GPD2: variants seen among roughly 807,000 people sequenced by gnomAD.
The protein encoded by GPD2 is glycerol-3-phosphate dehydrogenase 2.
In GPD2, 54 loss-of-function variants were observed where a neutral mutation model predicts 82.4. The observed-to-expected ratio is 0.66, with a 90% CI of 0.53 to 0.82. GPD2 has a LOEUF of 0.82. Ranked by LOEUF, GPD2 falls within the 40% of genes least tolerant of loss-of-function variation. GPD2 has a pLI of 0.00. For missense variants in GPD2, 748 were observed against 896.2 expected, an observed-to-expected ratio of 0.83 and a Z score of 2.11; for synonymous variants, 288 against 306.1, an observed-to-expected ratio of 0.94 and a Z score of 0.62.
At chr2:156,560,189 C>T (rs1687116354) in intron 9 of GPD2, among the ~76,000 whole-genome samples, 1 of 152,162 alleles carries the variant, frequency 6.6e-6, no homozygotes, top group South Asian at 2.1e-4. Context: ...CAGAAGGCTG[C>T]CGTGCCCATA....
intron 5 of GPD2, among the ~76,000 whole-genome samples, 183 bp from the exon 6 acceptor site, chr2:156,513,150 T>A (rs1685063733): frequency 6.6e-6 from 1 of 152,176 alleles, no homozygotes; most frequent in Non-Finnish European, 1.5e-5. Flanking sequence ...TCTCATTGAT[T>A]TATTTTACTT....
At chr2:156,463,921 A>G (rs1250450185) in intron 1 of GPD2, among the ~76,000 whole-genome samples, 1 of 152,198 alleles carries the variant, frequency 6.6e-6, no homozygotes, top group Non-Finnish European at 1.5e-5. Context: ...ATGCAGAATA[A>G]CTAGACTATA....
chr2:156,530,975 C>T (rs367819668), intron 6 of GPD2, among the ~76,000 whole-genome samples: 141 of 152,250 alleles, frequency 9.3e-4, no homozygotes, highest in Non-Finnish European at 1.2e-3. Context: ...TGTGGGCATG[C>T]ACCACGGTGC....
chr2:156,446,402 A>G (rs965949442), intron 1 of GPD2, among the ~76,000 whole-genome samples: 1 of 152,024 alleles, frequency 6.6e-6, no homozygotes, highest in Admixed American at 6.6e-5. Flanking sequence ...GGCCTTAAAC[A>G]CATAATCTTG....
Position 156,561,338 on chromosome 2 carries a change from G to A in GPD2, c.1165+3756G>A, listed in dbSNP as rs184529200. ...TGGGATTACAGGTGTGAGCCACCGC[G>A]CCCAGCCTAAGCTTTTTGCCTATAG... On this transcript the variant is annotated intron_variant, in intron 9 of 16. Coordinates refer to ENST00000438166, the MANE Select transcript of GPD2 (RefSeq NM_000408.5). Among the ~76,000 whole-genome samples, 334 of 152,148 alleles carry A rather than the reference G, an allele frequency of 2.2e-3. 1 individual carries two copies. The highest frequency in any genetic ancestry group is 4.0e-3 in the Non-Finnish European group (272 of 67,972).
rs1688200223 is a variant in GPD2 at position 156,585,892 on chromosome 2, A to G, written c.*2974A>G. 1 of 152,456 alleles carries G rather than the reference A, an allele frequency of 6.6e-6. No individual in the cohort carries two copies. Among genetic ancestry groups the G allele is most frequent in the Non-Finnish European group, 1.5e-5 (1 of 67,984 alleles). 9.4% of individuals were successfully genotyped at this position (152,456 alleles called of 1,614,324 possible). ...GTGTAAGCTCAGTGCTAGAGTGGAT[A>G]TACACACCGCATGTTTTCATATGTG... On this transcript the variant is annotated 3_prime_UTR_variant, in exon 17 of 17. Transcript: ENST00000438166.
intron 6 of GPD2, among the ~76,000 whole-genome samples, chr2:156,529,211 T>C (rs1473730540): frequency 3.7e-5 from 3 of 80,274 alleles, no homozygotes; most frequent in African/African-American, 1.1e-4. Flanking sequence ...TTTTTTCATA[T>C]GTTTTTTGGC....
chr2:156,422,052 A>G, the GPD2 span, among the ~76,000 whole-genome samples: 2 of 152,008 alleles, frequency 1.3e-5, no homozygotes, highest in Non-Finnish European at 2.9e-5. Flanking sequence ...GCTTGAGTAC[A>G]GGAGTTTGAG....
In GPD2 at chr2:156,583,099, T is replaced by C. The variant is rs534890660; in HGVS notation, c.*181T>C. ...GCCAGCTTTATTTGCTGTACTTTAT[T>C]TGTATTTGCCATTCAGTCTAGCTTT... On this transcript the variant is annotated 3_prime_UTR_variant, in exon 17 of 17. Coordinates refer to ENST00000438166, the MANE Select transcript of GPD2 (RefSeq NM_000408.5). 264 of 671,694 alleles carry C rather than the reference T, an allele frequency of 3.9e-4. 5 individuals carry two copies. In the South Asian group the frequency reaches 4.2e-3, roughly 11 times the overall value. The allele number at this position is 671,694 out of a possible 1,614,324, so 41.6% of individuals were successfully genotyped here. A position where few individuals can be genotyped will look rare whatever the true frequency, so the allele number is the denominator to read the frequency against.
intron 6 of GPD2, among the ~76,000 whole-genome samples, chr2:156,515,383 A>G (rs978722377): frequency 5.3e-5 from 8 of 152,164 alleles, no homozygotes; most frequent in East Asian, 1.9e-4. Flanking sequence ...AAAAAAAAAA[A>G]AAGAAGAAGA....
chr2:156,569,234 A>G, intron 10 of GPD2, 129 bp from the exon 11 acceptor site: 1 of 723,108 alleles, frequency 1.4e-6, no homozygotes, highest in Non-Finnish European at 2.5e-6. Flanking sequence ...ATTCTGAATT[A>G]AGTTTTACAC....
intron 6 of GPD2, among the ~76,000 whole-genome samples, chr2:156,542,136 G>A (rs1204603611): frequency 1.3e-5 from 2 of 152,032 alleles, no homozygotes; most frequent in South Asian, 4.1e-4. Flanking sequence ...ACTTCACAAT[G>A]TTTCGTTTAT....
intron 6 of GPD2, among the ~76,000 whole-genome samples, chr2:156,537,771 A>C (rs1686137536): frequency 6.6e-6 from 1 of 152,222 alleles, no homozygotes; most frequent in South Asian, 2.1e-4. Flanking sequence ...TTTATCAGAA[A>C]TGAGATTAGA....
intron 6 of GPD2, among the ~76,000 whole-genome samples, chr2:156,519,253 A>G (rs1195805323): frequency 5.3e-5 from 8 of 151,852 alleles, no homozygotes; most frequent in Non-Finnish European, 8.8e-5. Flanking sequence ...TATTTCTTTG[A>G]TAATTGGCTA....
At chr2:156,552,117 T>C (rs1199793447) in intron 8 of GPD2, among the ~76,000 whole-genome samples, 2 of 152,190 alleles carry the variant, frequency 1.3e-5, no homozygotes, top group Non-Finnish European at 2.9e-5. Context: ...CCAGATACAC[T>C]TCTGAGAAAA....
intron 9 of GPD2, among the ~76,000 whole-genome samples, chr2:156,566,494 A>T (rs193068005): frequency 5.0e-4 from 76 of 152,144 alleles, no homozygotes; most frequent in Admixed American, 2.1e-3. Flanking sequence ...TTGTGACTGG[A>T]TTATTTATTT....
At chr2:156,452,338 G>A (rs1012845338) in intron 1 of GPD2, among the ~76,000 whole-genome samples, 4 of 152,256 alleles carry the variant, frequency 2.6e-5, no homozygotes, top group Admixed American at 2.0e-4. Context: ...GATCACTCGC[G>A]GTTAGGAGCT....
chr2:156,517,962 A>G (rs927514721), intron 6 of GPD2, among the ~76,000 whole-genome samples: 1 of 152,202 alleles, frequency 6.6e-6, no homozygotes, highest in East Asian at 1.9e-4. Flanking sequence ...GAGTCAAGAC[A>G]TTGACAGAGA....
Position 156,513,472 on chromosome 2 carries a change from G to T in GPD2, c.637G>T (p.Val213Leu), listed in dbSNP as rs1217465534. ...HFPMLQKDKLVGAIVYYDGQH... is the reference protein window; with the variant it reads ...HFPMLQKDKLLGAIVYYDGQH... ...CCCAATGCTCCAGAAGGACAAACTG[G>T]TAGGAGCAATTGTCTACTATGACGG... Residue 213 changes from valine to leucine, a missense_variant, in exon 6 of 17, where the codon GTA (valine) becomes TTA (leucine). Coordinates refer to ENST00000438166, the MANE Select transcript of GPD2 (RefSeq NM_000408.5). 1 of 1,611,514 alleles carries T rather than the reference G, an allele frequency of 6.2e-7. No homozygotes were observed. Among genetic ancestry groups the T allele is most frequent in the Non-Finnish European group, 8.5e-7 (1 of 1,178,722 alleles).
Sources: allele counts gnomAD v4.1 joint callset (sites outside exome capture counted in the v4.1 genomes callset), GRCh38; gene constraint gnomAD v4.1.1; transcripts MANE v1.5; gene names NCBI Gene and HGNC (gene_info 2026-07-23, HGNC 2026-07-21).